CACNA2D3: variants seen among roughly 807,000 people sequenced by gnomAD.
The protein encoded by CACNA2D3 is voltage-dependent calcium channel subunit alpha-2/delta-3.
Under a neutral mutation model 160.6 loss-of-function variants are expected in CACNA2D3, and 60 were observed. That is an observed-to-expected ratio of 0.37 (90% confidence interval 0.30 to 0.46). The LOEUF is 0.46. Among genes scored for constraint, CACNA2D3 ranks in the 20% least tolerant of loss-of-function variants. The pLI, the probability that CACNA2D3 is intolerant of heterozygous loss-of-function variation, is 1.00. For synonymous variants in CACNA2D3, 558 were observed against 492.9 expected (o/e 1.13, Z -1.75); for missense variants, 1,205 against 1,365.0 (o/e 0.88, Z 1.85).
At chr3:54,854,066 C>G (rs1354496256) in intron 17 of CACNA2D3, among the ~76,000 whole-genome samples, 2 of 152,194 alleles carry the variant, frequency 1.3e-5, no homozygotes, top group Non-Finnish European at 2.9e-5. Context: ...AGTGCACATT[C>G]TCAGAACAGA....
At chr3:54,968,382 C>T in intron 27 of CACNA2D3, 68 bp from the exon 28 acceptor site, 1 of 1,064,850 alleles carries the variant, frequency 9.4e-7, no homozygotes, top group Non-Finnish European at 1.4e-6. Flanking sequence ...GGATAATTTT[C>T]AACGATAATC....
chr3:54,263,645 C>T (rs528251308), intron 2 of CACNA2D3, among the ~76,000 whole-genome samples: 4 of 152,214 alleles, frequency 2.6e-5, no homozygotes, highest in Non-Finnish European at 4.4e-5. Context: ...CACTGAGGGG[C>T]CAACTGGGCT....
In CACNA2D3 at chr3:55,052,456, G is replaced by GTA. The variant is rs3061749; in HGVS notation, c.2988-20974_2988-20973dup. 4.0e-3 allele frequency among the ~76,000 whole-genome samples: 594 copies of GTA among 149,768 alleles called. 4 individuals are homozygous for GTA. Among genetic ancestry groups the GTA allele is most frequent in the African/African-American group, 0.01 (429 of 40,898 alleles). ...CATATATATGTATATACCTGTGTGT[G>GTA]TATATATATATATATAGTGTTGTTG... On this transcript the variant is annotated intron_variant, in intron 35 of 37. Coordinates refer to ENST00000474759, the MANE Select transcript of CACNA2D3 (RefSeq NM_018398.3).
intron 11 of CACNA2D3, among the ~76,000 whole-genome samples, chr3:54,645,681 C>T (rs753650379): frequency 2.2e-4 from 33 of 152,164 alleles, no homozygotes; most frequent in Non-Finnish European, 3.5e-4. Flanking sequence ...CTTAGGTTTG[C>T]CCGGAGCCTT....
At chr3:54,777,036 C>T (rs997684760) in intron 13 of CACNA2D3, among the ~76,000 whole-genome samples, 1 of 152,186 alleles carries the variant, frequency 6.6e-6, no homozygotes, top group African/African-American at 2.4e-5. Context: ...TTATTACCAG[C>T]ATGAAGAACA....
intron 11 of CACNA2D3, among the ~76,000 whole-genome samples, chr3:54,678,720 C>CAAAAAAAAAAAAAAAAAAAAAAAAAA (rs71096434): frequency 2.2e-5 from 1 of 45,902 alleles, no homozygotes; most frequent in Non-Finnish European, 3.5e-5. Flanking sequence ...GACTCGGTCT[C>CAAAAAAAAAAAAAAAAAAAAAAAAAA]AAAAAAAAAA....
chr3:54,829,452 A>T (rs995459729), intron 14 of CACNA2D3, among the ~76,000 whole-genome samples: 2 of 152,138 alleles, frequency 1.3e-5, no homozygotes, highest in South Asian at 4.1e-4. Flanking sequence ...GGAGGAGGGA[A>T]GGGTGCAGAG....
intron 2 of CACNA2D3, among the ~76,000 whole-genome samples, chr3:54,219,104 C>T (rs1701518086): frequency 6.6e-6 from 1 of 152,192 alleles, no homozygotes. Flanking sequence ...TCATGCCCTG[C>T]ATATGAAAAC....
At chr3:54,694,559 G>A (rs1455679315) in intron 11 of CACNA2D3, among the ~76,000 whole-genome samples, 2 of 152,154 alleles carry the variant, frequency 1.3e-5, no homozygotes, top group Non-Finnish European at 2.9e-5. Flanking sequence ...GTGGCCTCAG[G>A]AACAGTTAAC....
At chr3:54,852,063 C>A (rs183752915) in intron 17 of CACNA2D3, among the ~76,000 whole-genome samples, 1 of 152,212 alleles carries the variant, frequency 6.6e-6, no homozygotes, top group Non-Finnish European at 1.5e-5. Context: ...ATTTCCACCA[C>A]CACCCGTCAT....
rs554322819 is a variant in CACNA2D3, at chr3:55,000,455, G to A, written c.2691-4308G>A. ...GTTAGGACAAATATCTAATTCACAT[G>A]GGGCTTAAAACCTAGATGATGGGTT... On this transcript the variant is annotated intron_variant, in intron 31 of 37. Coordinates refer to ENST00000474759, the MANE Select transcript of CACNA2D3 (RefSeq NM_018398.3). Among the ~76,000 whole-genome samples, 22 of 152,220 alleles carry A rather than the reference G, an allele frequency of 1.4e-4. No individual in the cohort carries two copies. In the South Asian group the frequency reaches 4.6e-3, roughly 32 times the overall value.
chr3:54,422,627 G>T (rs1183308867), intron 4 of CACNA2D3, among the ~76,000 whole-genome samples: 1 of 152,094 alleles, frequency 6.6e-6, no homozygotes, highest in Non-Finnish European at 1.5e-5. Flanking sequence ...AGTAAATTAA[G>T]GCAGCACCAT....
intron 9 of CACNA2D3, among the ~76,000 whole-genome samples, chr3:54,600,807 G>T (rs1346620020): frequency 6.6e-6 from 1 of 151,880 alleles, no homozygotes; most frequent in African/African-American, 2.4e-5. Flanking sequence ...TGTGGGTCTC[G>T]CAGGGAGCAA....
chr3:54,646,186 C>CCCTCCCTCCTTGCTTGCTTG (rs1559537958), intron 11 of CACNA2D3, among the ~76,000 whole-genome samples: 1 of 6,470 alleles, frequency 1.5e-4, no homozygotes, highest in African/African-American at 4.0e-4. Context: ...CTCCCTCCCT[C>CCCTCCCTCCTTGCTTGCTTG]CTTCCTTGCT....
intron 37 of CACNA2D3, 74 bp downstream of exon 37, chr3:55,073,933 T>G: frequency 7.7e-7 from 1 of 1,301,342 alleles, no homozygotes; most frequent in Non-Finnish European, 1.1e-6. Flanking sequence ...GTCAAAGAAC[T>G]ACAGCTGAAA....
chr3:54,872,697 G>C (rs1699564024), intron 18 of CACNA2D3, among the ~76,000 whole-genome samples: 1 of 152,194 alleles, frequency 6.6e-6, no homozygotes, highest in Non-Finnish European at 1.5e-5. Flanking sequence ...TAAAATGTGA[G>C]AGCCATACCT....
intron 35 of CACNA2D3, among the ~76,000 whole-genome samples, chr3:55,020,087 A>G (rs1409890850): frequency 1.3e-5 from 2 of 151,998 alleles, no homozygotes; most frequent in Admixed American, 1.3e-4. Flanking sequence ...CTAAATTGAT[A>G]TTGAATTTTA....
At chr3:54,404,693 C>G (rs1699539572) in intron 4 of CACNA2D3, among the ~76,000 whole-genome samples, 1 of 152,016 alleles carries the variant, frequency 6.6e-6, no homozygotes, top group Admixed American at 6.6e-5. Flanking sequence ...GTAAAATTAT[C>G]ACGAATTACA....
Position 54,651,485 on chromosome 3 carries a change from C to T in CACNA2D3, c.1167+9244C>T, listed in dbSNP as rs529222123. Among the ~76,000 whole-genome samples the T allele has an allele frequency of 8.6e-5, 13 of 150,340 alleles. No individual in the cohort carries two copies. In the South Asian group the frequency reaches 2.7e-3, roughly 32 times the overall value. ...AGGCCATGTGAGAGGCTCAGGGCTG[C>T]TGGAGGATCCTTGGTAGCCTGGTGA... On this transcript the variant is annotated intron_variant, in intron 11 of 37. Transcript: ENST00000474759.
Sources: gnomAD v4.1 joint callset for allele counts (sites outside exome capture counted in the v4.1 genomes callset) on GRCh38, gnomAD v4.1.1 for gene constraint, MANE v1.5 for transcripts, NCBI Gene and HGNC (gene_info 2026-07-23, HGNC 2026-07-21) for gene names.